The following AUTS2 variants were observed in gnomAD, a reference collection of about 807,000 sequenced individuals.
AUTS2 encodes the protein autism susceptibility gene 2 protein.
A neutral mutation model predicts 112.4 loss-of-function variants in AUTS2; 17 were observed. That is an observed-to-expected ratio of 0.15 (90% CI 0.10 to 0.23). The LOEUF (loss-of-function observed/expected upper bound fraction) is 0.23, where lower values mean the gene tolerates loss of function less well. AUTS2 is among the 10% of genes least tolerant of loss of function. AUTS2 has a pLI of 1.00. For synonymous variants in AUTS2, 751 were observed against 702.7 expected, an observed-to-expected ratio of 1.07 and a Z score of -1.09; for missense variants, 1,510 against 1,701.6, an observed-to-expected ratio of 0.89 and a Z score of 1.98.
chr7:69,705,452 C>T (rs989714440), intron 1 of AUTS2, among the ~76,000 whole-genome samples: 5 of 152,132 alleles, frequency 3.3e-5, no homozygotes, highest in African/African-American at 1.2e-4. Context: ...GATGGATGGT[C>T]AGTCCCAGTG....
intron 1 of AUTS2, among the ~76,000 whole-genome samples, chr7:69,628,622 G>A (rs1416905340): frequency 1.3e-5 from 2 of 152,172 alleles, no homozygotes; most frequent in Non-Finnish European, 2.9e-5. Context: ...AAACTTACAT[G>A]GTGAAAGTTG....
At chr7:70,457,744 G>A (rs1319484314) in intron 5 of AUTS2, among the ~76,000 whole-genome samples, 1 of 152,130 alleles carries the variant, frequency 6.6e-6, no homozygotes, top group East Asian at 1.9e-4. Flanking sequence ...GCAGATGCCT[G>A]GTTTAAAAGA....
intron 5 of AUTS2, among the ~76,000 whole-genome samples, chr7:70,625,683 T>G (rs921293326): frequency 1.3e-5 from 2 of 152,172 alleles, no homozygotes; most frequent in African/African-American, 4.8e-5. Flanking sequence ...CATGCCCCTC[T>G]ATACAAACAT....
chr7:70,631,654 G>A lies in AUTS2; in HGVS notation c.691-66915G>A, dbSNP rs1457209108. 7.9e-5 allele frequency among the ~76,000 whole-genome samples: 12 copies of A among 152,240 alleles called. No homozygotes were observed. Among genetic ancestry groups the A allele is most frequent in the Non-Finnish European group, 1.5e-4 (10 of 68,020 alleles). ...CCAGCTGCAGAAAGTCATTCCTCAC[G>A]AAGAAATGGGTGTGCAGAGAATACA... On this transcript the variant is annotated intron_variant, in intron 5 of 18. Coordinates refer to ENST00000342771, the MANE Select transcript of AUTS2 (RefSeq NM_015570.4). This position sits in a 1 kb window ranked among gnomAD's most constrained non-coding sequence, Gnocchi z 4.5.
intron 2 of AUTS2, among the ~76,000 whole-genome samples, chr7:70,059,577 A>T (rs567090952): frequency 6.6e-6 from 1 of 152,324 alleles, no homozygotes; most frequent in South Asian, 2.1e-4. Flanking sequence ...GAGGATCTGG[A>T]AATTCTGTAT....
chr7:70,219,188 A>C (rs544262738), intron 4 of AUTS2, among the ~76,000 whole-genome samples: 16 of 152,260 alleles, frequency 1.1e-4, no homozygotes, highest in Non-Finnish European at 2.2e-4. Context: ...TGATGGAATA[A>C]AATCCAATGG....
chr7:70,133,789 T>TG (rs894201565), intron 3 of AUTS2, among the ~76,000 whole-genome samples: 3 of 152,088 alleles, frequency 2.0e-5, no homozygotes, highest in Non-Finnish European at 2.9e-5. Context: ...ATACATTTTT[T>TG]GGGGGGGCTT....
At chr7:69,745,984 C>CT (rs1173967461) in intron 1 of AUTS2, among the ~76,000 whole-genome samples, 2 of 152,142 alleles carry the variant, frequency 1.3e-5, no homozygotes, top group Non-Finnish European at 2.9e-5. Context: ...AGTGATCCTC[C>CT]TGCCTCAACT....
At chr7:70,191,915 A>G (rs1809917774) in intron 4 of AUTS2, among the ~76,000 whole-genome samples, 1 of 152,108 alleles carries the variant, frequency 6.6e-6, no homozygotes, top group Admixed American at 6.6e-5. Flanking sequence ...ACAAAAAAAA[A>G]AATTAGCTAG....
At chr7:70,067,296 T>C (rs1802540411) in intron 2 of AUTS2, among the ~76,000 whole-genome samples, 1 of 152,144 alleles carries the variant, frequency 6.6e-6, no homozygotes, top group African/African-American at 2.4e-5. Context: ...AAATTAAATA[T>C]CTAAGAATGC....
At chr7:69,777,499 T>C (rs928147070) in intron 1 of AUTS2, among the ~76,000 whole-genome samples, 18 of 152,204 alleles carry the variant, frequency 1.2e-4, no homozygotes, top group African/African-American at 4.1e-4. Flanking sequence ...GTTTCCTTTT[T>C]ATGTAGATCA....
chr7:70,712,763 A>G (rs1810129651), intron 6 of AUTS2, among the ~76,000 whole-genome samples: 1 of 152,172 alleles, frequency 6.6e-6, no homozygotes, highest in African/African-American at 2.4e-5. Context: ...TGCACAGGGA[A>G]TAGGTCTAGG....
intron 5 of AUTS2, among the ~76,000 whole-genome samples, chr7:70,692,698 G>C (rs1404396664): frequency 1.3e-5 from 2 of 151,856 alleles, no homozygotes; most frequent in Non-Finnish European, 2.9e-5. Flanking sequence ...GAGAGAGAAG[G>C]CTTCTTATTT....
intron 5 of AUTS2, among the ~76,000 whole-genome samples, chr7:70,633,542 C>T (rs910624282): frequency 2.9e-5 from 4 of 139,994 alleles, no homozygotes; most frequent in South Asian, 2.3e-4. Context: ...ACCCTGGAGG[C>T]GGAGGTTGCA....
At chr7:70,087,033 C>T (rs143419469) in intron 2 of AUTS2, among the ~76,000 whole-genome samples, 291 of 151,116 alleles carry the variant, frequency 1.9e-3, no homozygotes, top group Non-Finnish European at 3.6e-3. Context: ...AGTGTACATG[C>T]GTTTTCATTT....
intron 5 of AUTS2, among the ~76,000 whole-genome samples, chr7:70,600,539 G>A (rs1803424122): frequency 6.6e-6 from 1 of 152,202 alleles, no homozygotes; most frequent in Non-Finnish European, 1.5e-5. Context: ...GCCTCCCAAA[G>A]TGCTGGGATT....
At chr7:70,637,884 C>T (rs1232839912) in intron 5 of AUTS2, among the ~76,000 whole-genome samples, 1 of 152,214 alleles carries the variant, frequency 6.6e-6, no homozygotes, top group African/African-American at 2.4e-5. Context: ...AGACTGAGTG[C>T]TTCCAAGTGC....
intron 5 of AUTS2, among the ~76,000 whole-genome samples, chr7:70,503,558 G>T (rs1585226813): frequency 7.8e-6 from 1 of 128,148 alleles, no homozygotes; most frequent in African/African-American, 3.0e-5. Context: ...TCTCTCTGTT[G>T]TCCAGGCTGG....
At chr7:69,725,972 A>T (rs1428993618) in intron 1 of AUTS2, among the ~76,000 whole-genome samples, 2 of 124,710 alleles carry the variant, frequency 1.6e-5, no homozygotes, top group African/African-American at 3.9e-5. Flanking sequence ...AAGTTAGATT[A>T]TTTTTTTTCC....
Sources: allele counts gnomAD v4.1 joint callset (sites outside exome capture counted in the v4.1 genomes callset), GRCh38; gene constraint gnomAD v4.1.1; non-coding constraint Gnocchi (gnomAD v3.1); transcripts MANE v1.5; gene names NCBI Gene and HGNC (gene_info 2026-07-23, HGNC 2026-07-21).